POU6F2: variants seen among roughly 807,000 people sequenced by gnomAD.
POU6F2 encodes POU domain, class 6, transcription factor 2.
POU6F2 carries 31 observed loss-of-function variants against 71.3 expected under a neutral mutation model. That is an observed-to-expected ratio of 0.43 (90% CI 0.33 to 0.59). The LOEUF (loss-of-function observed/expected upper bound fraction) is 0.59. Ranked by LOEUF, POU6F2 falls within the 20% of genes least tolerant of loss-of-function variation. The pLI, the probability that POU6F2 is intolerant of heterozygous loss-of-function variation, is 0.04. For synonymous variants in POU6F2, 347 were observed against 355.7 expected (o/e 0.98, Z 0.27); for missense variants, 783 against 856.8 (o/e 0.91, Z 1.07).
chr7:39,460,775 CG>C lies in POU6F2; in HGVS notation c.1658+62del. The C allele has an allele frequency of 1.2e-5, 18 of 1,454,356 alleles. No individual in the cohort carries two copies. Among genetic ancestry groups the C allele is most frequent in the Non-Finnish European group, 1.6e-5 (18 of 1,100,176 alleles). The allele number at this position is 1,454,356 out of a possible 1,614,324, so 90.1% of individuals were successfully genotyped here. A position where few individuals can be genotyped will look rare whatever the true frequency, so the allele number is the denominator to read the frequency against. ...CCGCCCTGGGCCTCATTTGTCCTCG[CG>C]GTTCAGCTTTTCTTCGTCGGGTGGG... On this transcript the variant is annotated intron_variant, in intron 9 of 9. Transcript: ENST00000518318. This position sits in a 1 kb window ranked among gnomAD's most constrained non-coding sequence, Gnocchi z 4.4.
At chr7:39,031,878 C>CA (rs199859333) in intron 1 of POU6F2, among the ~76,000 whole-genome samples, 5,560 of 141,702 alleles carry the variant, frequency 0.039, 318 homozygotes, top group African/African-American at 0.12. Flanking sequence ...GAGACTGCCT[C>CA]AAAAAAAAAA....
At chr7:39,273,305 T>A (rs1784372110) in intron 4 of POU6F2, among the ~76,000 whole-genome samples, 1 of 152,074 alleles carries the variant, frequency 6.6e-6, no homozygotes, top group African/African-American at 2.4e-5. Flanking sequence ...CTAGAAAACA[T>A]GACTTAACCA....
At chr7:39,459,492 T>A (rs865898620) in intron 8 of POU6F2, among the ~76,000 whole-genome samples, 63 of 143,034 alleles carry the variant, frequency 4.4e-4, no homozygotes, top group African/African-American at 1.5e-3. Context: ...TGTTTTGTTT[T>A]GTTTCACGAC....
At chr7:39,379,084 A>C (rs1786769873) in intron 5 of POU6F2, among the ~76,000 whole-genome samples, 1 of 152,150 alleles carries the variant, frequency 6.6e-6, no homozygotes, top group Non-Finnish European at 1.5e-5. Context: ...GGGACCTAGA[A>C]GTGAAGAGAG....
At chr7:39,196,830 A>G (rs750822831) in intron 2 of POU6F2, among the ~76,000 whole-genome samples, 1 of 152,196 alleles carries the variant, frequency 6.6e-6, no homozygotes, top group African/African-American at 2.4e-5. Context: ...TTTCAAGTGC[A>G]GGGACAATTT....
chr7:39,291,786 C>G (rs12701717), intron 4 of POU6F2, among the ~76,000 whole-genome samples: 69,908 of 151,872 alleles, frequency 0.46, 16,887 homozygotes, highest in Admixed American at 0.59. Context: ...TTTTTTAAAG[C>G]TATCTGGTGA....
intron 2 of POU6F2, among the ~76,000 whole-genome samples, chr7:39,164,023 T>C (rs1168062947): frequency 6.6e-6 from 1 of 152,150 alleles, no homozygotes; most frequent in Non-Finnish European, 1.5e-5. Flanking sequence ...AGATCTACTA[T>C]AAATCATGGT....
At chr7:39,086,295 G>GA (rs112439940) in intron 2 of POU6F2, among the ~76,000 whole-genome samples, 11 of 152,038 alleles carry the variant, frequency 7.2e-5, no homozygotes, top group African/African-American at 1.9e-4. Context: ...AAATTGTTTG[G>GA]AAAAAAATAG....
At chr7:39,389,117 G>A (rs757013533) in intron 5 of POU6F2, among the ~76,000 whole-genome samples, 6 of 152,168 alleles carry the variant, frequency 3.9e-5, no homozygotes, top group Non-Finnish European at 2.9e-5. Flanking sequence ...AGAAACACAA[G>A]TAGTGTCATT....
chr7:39,336,504 G>C (rs765789056), intron 4 of POU6F2, among the ~76,000 whole-genome samples: 1 of 152,140 alleles, frequency 6.6e-6, no homozygotes, highest in Non-Finnish European at 1.5e-5. Flanking sequence ...TTGCACCGAG[G>C]GGCTGGGATG....
intron 5 of POU6F2, among the ~76,000 whole-genome samples, chr7:39,393,768 A>T (rs1787121152): frequency 1.3e-5 from 2 of 152,206 alleles, no homozygotes; most frequent in Non-Finnish European, 2.9e-5. Context: ...ATTATACATA[A>T]TAATAAAATT....
intron 4 of POU6F2, among the ~76,000 whole-genome samples, chr7:39,230,508 C>A: frequency 6.6e-6 from 1 of 151,316 alleles, no homozygotes. Flanking sequence ...AAAAAAAGTT[C>A]AAGATAGCAT....
rs1481207588 is a variant in POU6F2, at chr7:38,993,664, TG to T, written c.105+15607del. Reference sequence around the variant, plus strand: ...CACACACACATCAGTGGTTCATATTTGTTTTTTTAATAGTATATGGAAACCT... The same window carrying T: ...CACACACACATCAGTGGTTCATATTTTTTTTTTAATAGTATATGGAAACCT... On this transcript the variant is annotated intron_variant, in intron 1 of 9. Transcript: ENST00000518318. Among the ~76,000 whole-genome samples, 18 of 134,508 alleles carry T rather than the reference TG, an allele frequency of 1.3e-4. No individual in the cohort carries two copies. In the South Asian group the frequency reaches 2.5e-3, roughly 19 times the overall value. The allele number at this position is 134,508 out of a possible 152,430, so 88.2% of individuals were successfully genotyped here. A position where few individuals can be genotyped will look rare whatever the true frequency, so the allele number is the denominator to read the frequency against.
chr7:39,392,030 A>T (rs1178026087), intron 5 of POU6F2, among the ~76,000 whole-genome samples: 1 of 152,228 alleles, frequency 6.6e-6, no homozygotes, highest in Non-Finnish European at 1.5e-5. Flanking sequence ...AACTTGCTAA[A>T]GCCTTGACTC....
At chr7:39,029,354 T>A (rs756718490) in intron 1 of POU6F2, among the ~76,000 whole-genome samples, 5 of 152,174 alleles carry the variant, frequency 3.3e-5, no homozygotes, top group Admixed American at 6.5e-5. Context: ...GTACTTTTAC[T>A]TTTGTTTCCT....
chr7:39,172,183 ATATT>A, intron 2 of POU6F2, among the ~76,000 whole-genome samples: 1 of 152,216 alleles, frequency 6.6e-6, no homozygotes, highest in Non-Finnish European at 1.5e-5. Context: ...TTGTGTTCAC[ATATT>A]TAAGATAATA....
intron 4 of POU6F2, among the ~76,000 whole-genome samples, chr7:39,230,286 C>G (rs1270713654): frequency 6.6e-6 from 1 of 152,048 alleles, no homozygotes; most frequent in African/African-American, 2.4e-5. Flanking sequence ...CAAGACCAAC[C>G]TGAGCAACAT....
intron 4 of POU6F2, among the ~76,000 whole-genome samples, chr7:39,322,453 C>T (rs985671562): frequency 6.6e-6 from 1 of 152,120 alleles, no homozygotes; most frequent in African/African-American, 2.4e-5. Flanking sequence ...TTGGGTCAGC[C>T]CTTGGTTAGG....
At chr7:39,215,264 G>T (rs1794217800) in intron 4 of POU6F2, among the ~76,000 whole-genome samples, 1 of 152,186 alleles carries the variant, frequency 6.6e-6, no homozygotes, top group African/African-American at 2.4e-5. Flanking sequence ...AGAATCGCTT[G>T]TACTTGGGAG....
Sources: gnomAD v4.1 joint callset for allele counts (sites outside exome capture counted in the v4.1 genomes callset) on GRCh38, gnomAD v4.1.1 for gene constraint, Gnocchi (gnomAD v3.1) non-coding constraint, MANE v1.5 for transcripts, NCBI Gene and HGNC (gene_info 2026-07-23, HGNC 2026-07-21) for gene names.